Variants in CAPSL observed in about 807,000 individuals in gnomAD.
The protein encoded by CAPSL is calcyphosin-like protein.
A neutral mutation model predicts 21.3 loss-of-function variants in CAPSL; 17 were observed. That is an observed-to-expected ratio of 0.80 (90% CI 0.55 to 1.20). The LOEUF is 1.20. CAPSL is among the 50% of genes most tolerant of loss of function. CAPSL has a pLI of 0.00. For synonymous variants in CAPSL, 102 were observed against 89.3 expected, an observed-to-expected ratio of 1.14 and a Z score of -0.80; for missense variants, 289 against 259.3, an observed-to-expected ratio of 1.11 and a Z score of -0.79.
chr5:35,933,617 C>T (rs950492358), intron 1 of CAPSL, among the ~76,000 whole-genome samples: 1 of 152,128 alleles, frequency 6.6e-6, no homozygotes, highest in African/African-American at 2.4e-5. Flanking sequence ...AGGACTGATG[C>T]TGTTTGTTAC....
At chr5:35,916,292 G>A (rs1227301232) in intron 2 of CAPSL, among the ~76,000 whole-genome samples, 1 of 152,006 alleles carries the variant, frequency 6.6e-6, no homozygotes, top group African/African-American at 2.4e-5. Flanking sequence ...TACTGCCCAA[G>A]GTAATTTATA....
rs758740346 is a variant in CAPSL, at chr5:35,931,276, CCT to C, written c.-1+7263_-1+7264del. Among the ~76,000 whole-genome samples the C allele has an allele frequency of 9.9e-5, 15 of 152,058 alleles. 2 individuals carry two copies. Among genetic ancestry groups the C allele is most frequent in the East Asian group, 3.9e-4 (2 of 5,160 alleles). ...CAATGTGAGAAGAGACTCAACTACC[CCT>C]GAGACTCATGAGGAGAGAGAAAGTC... is the stretch of plus-strand genomic sequence containing the variant. On this transcript the variant is annotated intron_variant, in intron 1 of 4. Transcript: ENST00000651391.
chr5:35,926,168 A>G (rs1366162269), intron 1 of CAPSL, among the ~76,000 whole-genome samples: 1 of 152,064 alleles, frequency 6.6e-6, no homozygotes. Context: ...GCTAGCCAAT[A>G]GGAGACTGTT....
chr5:35,909,882 T>C lies in CAPSL; in HGVS notation c.509A>G (p.Tyr170Cys), dbSNP rs1273656565. ...RKFLDNFDSP[Y>C]DKDGLVTPEE... ...TTTACTTACCAATCCATCTTTGTCATAGGGTGAATCAAAGTTATCCAGAAA... is the reference window on the plus strand; with the variant it reads ...TTTACTTACCAATCCATCTTTGTCACAGGGTGAATCAAAGTTATCCAGAAA... Residue 170 changes from tyrosine (Y) to cysteine (C), a missense_variant, in exon 4 of 5, where the codon TAT becomes TGT. Coordinates refer to ENST00000651391, the MANE Select transcript of CAPSL (RefSeq NM_001042625.2). 1.2e-6 allele frequency: 2 copies of C among 1,612,654 alleles called. No homozygotes were observed. Among genetic ancestry groups the C allele is most frequent in the Non-Finnish European group, 1.7e-6 (2 of 1,179,634 alleles).
intron 1 of CAPSL, among the ~76,000 whole-genome samples, chr5:35,922,486 CAAG>C (rs1275436477): frequency 1.3e-5 from 2 of 152,140 alleles, no homozygotes; most frequent in Non-Finnish European, 2.9e-5. Flanking sequence ...AACCTCGGGT[CAAG>C]AAGGAGACCT....
intron 2 of CAPSL, among the ~76,000 whole-genome samples, chr5:35,912,186 C>A (rs1209106753): frequency 1.3e-5 from 2 of 152,164 alleles, no homozygotes; most frequent in Non-Finnish European, 2.9e-5. Flanking sequence ...ATTGCTGAGG[C>A]TTGAGACGGT....
At chr5:35,933,858 T>A (rs1738879253) in intron 1 of CAPSL, among the ~76,000 whole-genome samples, 1 of 152,228 alleles carries the variant, frequency 6.6e-6, no homozygotes, top group South Asian at 2.1e-4. Flanking sequence ...ATTTTAAAAC[T>A]ATTCTCAGAC....
intron 2 of CAPSL, among the ~76,000 whole-genome samples, chr5:35,918,229 T>C (rs900090109): frequency 6.6e-6 from 1 of 152,170 alleles, no homozygotes; most frequent in African/African-American, 2.4e-5. Flanking sequence ...AATGATAGAC[T>C]GGATAAAGAA....
At chr5:35,917,229 A>G (rs1218808481) in intron 2 of CAPSL, among the ~76,000 whole-genome samples, 1 of 152,200 alleles carries the variant, frequency 6.6e-6, no homozygotes, top group African/African-American at 2.4e-5. Context: ...GGTGCTGGAG[A>G]GAATGTGGAG....
At chr5:35,921,685 T>G (rs1580889955) in intron 1 of CAPSL, among the ~76,000 whole-genome samples, 1 of 152,244 alleles carries the variant, frequency 6.6e-6, no homozygotes, top group South Asian at 2.1e-4. Context: ...TCCTGAGTGG[T>G]CCCCAAGGGA....
chr5:35,917,816 T>C (rs898786159), intron 2 of CAPSL, among the ~76,000 whole-genome samples: 2 of 152,138 alleles, frequency 1.3e-5, no homozygotes, highest in African/African-American at 4.8e-5. Context: ...TGTATACATA[T>C]GTAACAAACC....
chr5:35,915,879 C>T (rs1369410771), intron 2 of CAPSL, among the ~76,000 whole-genome samples: 1 of 152,112 alleles, frequency 6.6e-6, no homozygotes, highest in African/African-American at 2.4e-5. Flanking sequence ...CAGACAGGAG[C>T]AGGAAACAAA....
intron 4 of CAPSL, among the ~76,000 whole-genome samples, chr5:35,905,102 A>C (rs1301581805): frequency 6.6e-6 from 1 of 152,162 alleles, no homozygotes; most frequent in Non-Finnish European, 1.5e-5. Context: ...ACAGATTTCT[A>C]GTTAAACGCT....
chr5:35,909,961 G>A lies in CAPSL; in HGVS notation c.430C>T (p.His144Tyr), dbSNP rs1261336427. 9 of 1,613,776 alleles carry A rather than the reference G, an allele frequency of 5.6e-6. No individual in the cohort carries two copies. Among genetic ancestry groups the A allele is most frequent in the Admixed American group, 1.7e-5 (1 of 59,974 alleles). The change falls in exon 4 of 5, where the codon CAC becomes TAC. Residue 144 changes from histidine (H) to tyrosine (Y), a missense_variant. Physicochemically the swap from His to Tyr is moderately conservative, Grantham distance 83 (BLOSUM62 2). Coordinates refer to ENST00000651391, the MANE Select transcript of CAPSL (RefSeq NM_001042625.2). ...EDLREVYNAKHHPKYQNGEWS... is the reference protein window; with the variant it reads ...EDLREVYNAKYHPKYQNGEWS... ...TCCCCATTCTGGTACTTTGGGTGGT[G>A]TTTTGCATTATATACTTCACGAAGG... is the stretch of plus-strand genomic sequence containing the variant.
chr5:35,935,472 A>G (rs925758072), intron 1 of CAPSL, among the ~76,000 whole-genome samples: 2 of 151,872 alleles, frequency 1.3e-5, no homozygotes, highest in Non-Finnish European at 2.9e-5. Flanking sequence ...AGCTAGGACT[A>G]CAGGTGCACA....
At chr5:35,933,086 C>A (rs1369090068) in intron 1 of CAPSL, among the ~76,000 whole-genome samples, 1 of 152,130 alleles carries the variant, frequency 6.6e-6, no homozygotes. Flanking sequence ...CATCATAGAC[C>A]TTCTGGCCCA....
intron 4 of CAPSL, among the ~76,000 whole-genome samples, chr5:35,907,774 A>T (rs995432350): frequency 6.6e-6 from 1 of 152,228 alleles, no homozygotes; most frequent in African/African-American, 2.4e-5. Context: ...TTTAACCATA[A>T]ATGAGCACAC....
chr5:35,926,788 C>T (rs575552840), intron 1 of CAPSL, among the ~76,000 whole-genome samples: 1 of 152,310 alleles, frequency 6.6e-6, no homozygotes, highest in South Asian at 2.1e-4. Context: ...AAGGCACCAA[C>T]GCTTTTACAT....
At chr5:35,925,814 C>T (rs1298399363) in intron 1 of CAPSL, among the ~76,000 whole-genome samples, 1 of 152,132 alleles carries the variant, frequency 6.6e-6, no homozygotes. Flanking sequence ...CGGTGGCTTA[C>T]GCCTGTAATC....
Sources: gnomAD v4.1 joint callset for allele counts (sites outside exome capture counted in the v4.1 genomes callset) on GRCh38, gnomAD v4.1.1 for gene constraint, MANE v1.5 for transcripts, NCBI Gene and HGNC (gene_info 2026-07-23, HGNC 2026-07-21) for gene names.